Variants in DENND1A observed in about 807,000 individuals in gnomAD.
DENND1A encodes DENN domain containing 1A, also known as DENN domain-containing protein 1A.
In DENND1A, 51 loss-of-function variants were observed where a neutral mutation model predicts 113.7. That is an observed-to-expected ratio of 0.45 (90% CI 0.36 to 0.57). The LOEUF is 0.57. Ranked by LOEUF, DENND1A falls within the 20% of genes least tolerant of loss-of-function variation. The probability of loss-of-function intolerance (pLI) is 0.00; values close to 1 mark genes in which losing one functional copy is unlikely to be tolerated. For synonymous variants in DENND1A, 565 were observed against 570.8 expected (o/e 0.99, Z 0.14); for missense variants, 1,258 against 1,395.9 (o/e 0.90, Z 1.57).
intron 13 of DENND1A, among the ~76,000 whole-genome samples, chr9:123,536,193 T>C (rs994830718): frequency 6.6e-6 from 1 of 152,130 alleles, no homozygotes; most frequent in East Asian, 1.9e-4. Context: ...CCTCAAAACA[T>C]TGGACAGGCA....
chr9:123,414,636 C>G, intron 19 of DENND1A: 1 of 1,544,156 alleles, frequency 6.5e-7, no homozygotes, highest in Non-Finnish European at 8.7e-7. Context: ...AAAAACCCAC[C>G]CAAACCAGGC....
At chr9:123,556,947 G>T (rs2057451465) in intron 13 of DENND1A, among the ~76,000 whole-genome samples, 1 of 152,224 alleles carries the variant, frequency 6.6e-6, no homozygotes, top group South Asian at 2.1e-4. Flanking sequence ...GGCAGGCAGG[G>T]GACATAGATA....
At chr9:123,519,494 G>A (rs980803427) in intron 13 of DENND1A, among the ~76,000 whole-genome samples, 7 of 151,946 alleles carry the variant, frequency 4.6e-5, no homozygotes, top group African/African-American at 1.7e-4. Context: ...CTGGAATGTG[G>A]TGGCACGATC....
chr9:123,625,867 C>T (rs936738595), intron 10 of DENND1A, among the ~76,000 whole-genome samples: 13 of 152,200 alleles, frequency 8.5e-5, no homozygotes, highest in African/African-American at 2.9e-4. Flanking sequence ...CCCTGAAGCA[C>T]GGCATGAAAA....
chr9:123,655,996 G>A (rs989633268), intron 8 of DENND1A, among the ~76,000 whole-genome samples: 8 of 152,232 alleles, frequency 5.3e-5, no homozygotes, highest in African/African-American at 1.9e-4. Flanking sequence ...GGGTGGGAGG[G>A]ACATTAGACT....
chr9:123,715,164 A>G (rs898463685), intron 5 of DENND1A, among the ~76,000 whole-genome samples: 8 of 150,894 alleles, frequency 5.3e-5, no homozygotes, highest in African/African-American at 2.0e-4. Flanking sequence ...AGCCTGGGTG[A>G]CAGAGACTCT....
chr9:123,517,800 G>C (rs938881222), intron 13 of DENND1A, among the ~76,000 whole-genome samples: 1 of 151,896 alleles, frequency 6.6e-6, no homozygotes, highest in Non-Finnish European at 1.5e-5. Context: ...GCATGAAAAA[G>C]GAAGAAAAAT....
intron 11 of DENND1A, among the ~76,000 whole-genome samples, chr9:123,600,620 T>C (rs1439244006): frequency 6.6e-6 from 1 of 152,228 alleles, no homozygotes; most frequent in Non-Finnish European, 1.5e-5. Context: ...AACTGTGTGA[T>C]GTAGTAACCA....
At chr9:123,867,319 A>T (rs1465195757) in intron 2 of DENND1A, among the ~76,000 whole-genome samples, 8 of 152,106 alleles carry the variant, frequency 5.3e-5, no homozygotes, top group Non-Finnish European at 1.0e-4. Flanking sequence ...TGAACGTTCC[A>T]CTCTCTACAG....
intron 13 of DENND1A, among the ~76,000 whole-genome samples, chr9:123,532,842 T>C (rs1001378100): frequency 1.3e-5 from 2 of 152,230 alleles, no homozygotes; most frequent in Non-Finnish European, 2.9e-5. Flanking sequence ...GAGGTCTCAC[T>C]ATATCTTCTA....
At chr9:123,592,541 G>T (rs962184378) in intron 11 of DENND1A, among the ~76,000 whole-genome samples, 2 of 152,122 alleles carry the variant, frequency 1.3e-5, no homozygotes, top group Non-Finnish European at 2.9e-5. Flanking sequence ...CTAGAATAGG[G>T]TACAAGAGGA....
intron 4 of DENND1A, 47 bp downstream of exon 4, chr9:123,769,467 G>T (rs1054855210): frequency 3.3e-6 from 5 of 1,502,672 alleles, no homozygotes; most frequent in Middle Eastern, 3.5e-4. Context: ...TCTATAGCAG[G>T]TTTATTGATA....
chr9:123,473,735 G>A (rs2049642817), intron 13 of DENND1A, among the ~76,000 whole-genome samples: 2 of 152,112 alleles, frequency 1.3e-5, no homozygotes, highest in African/African-American at 4.8e-5. Context: ...CCTATAATGA[G>A]GGGGTCCTCC....
At chr9:123,548,818 C>T (rs988830087) in intron 13 of DENND1A, among the ~76,000 whole-genome samples, 1 of 152,108 alleles carries the variant, frequency 6.6e-6, no homozygotes, top group Admixed American at 6.5e-5. Context: ...GGCAAAGGGA[C>T]AAATATTGAA....
Position 123,921,133 on chromosome 9 carries a change from G to A in DENND1A, c.17+8756C>T, listed in dbSNP as rs148559736. Among the ~76,000 whole-genome samples, 203 of 152,196 alleles carry A rather than the reference G, an allele frequency of 1.3e-3. 1 individual carries two copies. The highest frequency in any genetic ancestry group is 4.7e-3 in the African/African-American group (195 of 41,506). On this transcript the variant is annotated intron_variant, in intron 1 of 23. Coordinates refer to ENST00000394215, the MANE Select transcript of DENND1A (RefSeq NM_001352964.2). ...TAATACTATAAAAAGGAACATACTT[G>A]CTGTTTTTTAACTTGTTTTTTAACT...
chr9:123,893,922 A>G (rs1850314837), intron 1 of DENND1A, among the ~76,000 whole-genome samples: 1 of 152,166 alleles, frequency 6.6e-6, no homozygotes, highest in Non-Finnish European at 1.5e-5. Context: ...TTGCTGAATG[A>G]ATGGAAAGTG....
chr9:123,402,051 TAAG>T (rs1266959356), intron 21 of DENND1A: 13 of 1,208,844 alleles, frequency 1.1e-5, no homozygotes, highest in Middle Eastern at 2.0e-4. Flanking sequence ...TTCATCCCCT[TAAG>T]GAGGAATCTT....
chr9:123,589,089 C>A (rs562264940), intron 11 of DENND1A, among the ~76,000 whole-genome samples: 2 of 152,086 alleles, frequency 1.3e-5, no homozygotes, highest in Admixed American at 6.6e-5. Flanking sequence ...CTTAACACTT[C>A]TGATTTTCTC....
chr9:123,699,499 G>A (rs981150143), intron 5 of DENND1A, among the ~76,000 whole-genome samples: 12 of 151,682 alleles, frequency 7.9e-5, no homozygotes, highest in Admixed American at 2.6e-4. Flanking sequence ...AGCTCACCCC[G>A]TCCCCATCTT....
Sources: allele counts gnomAD v4.1 joint callset (sites outside exome capture counted in the v4.1 genomes callset), GRCh38; gene constraint gnomAD v4.1.1; transcripts MANE v1.5; gene names NCBI Gene and HGNC (gene_info 2026-07-23, HGNC 2026-07-21).